RCAN1: variants seen among roughly 807,000 people sequenced by gnomAD.
RCAN1 encodes the protein calcipressin-1.
Under a neutral mutation model 22.9 loss-of-function variants are expected in RCAN1, and 11 were observed. That is an observed-to-expected ratio of 0.48 (90% CI 0.30 to 0.79). The LOEUF (loss-of-function observed/expected upper bound fraction) is 0.79. RCAN1 is among the 30% of genes least tolerant of loss of function. The pLI is 0.06. For missense variants in RCAN1, 291 were observed against 337.8 expected, an observed-to-expected ratio of 0.86 and a Z score of 1.09; for synonymous variants, 136 against 142.3, an observed-to-expected ratio of 0.96 and a Z score of 0.32.
chr21:34,536,589 T>C (rs1263509328), intron 1 of RCAN1, among the ~76,000 whole-genome samples: 1 of 152,162 alleles, frequency 6.6e-6, no homozygotes, highest in Non-Finnish European at 1.5e-5. Flanking sequence ...TTCCTTCCGC[T>C]GCAGCATTCC....
intron 1 of RCAN1, among the ~76,000 whole-genome samples, chr21:34,549,819 T>G (rs1986296514): frequency 6.6e-6 from 1 of 152,192 alleles, no homozygotes; most frequent in South Asian, 2.1e-4. Context: ...CATCCATCCA[T>G]CCATCCACCG....
chr21:34,560,066 C>T (rs1986732263), intron 1 of RCAN1: 1 of 152,218 alleles, frequency 6.6e-6, no homozygotes, highest in South Asian at 2.1e-4. Flanking sequence ...AAAAACCTTT[C>T]TCCCCCCAAC....
At chr21:34,525,820 A>G (rs995932881) in intron 1 of RCAN1, among the ~76,000 whole-genome samples, 5 of 152,262 alleles carry the variant, frequency 3.3e-5, no homozygotes, top group African/African-American at 1.2e-4. Flanking sequence ...TTAAAAACAT[A>G]GAATGTGCTC....
At chr21:34,558,391 A>G (rs2248624) in intron 1 of RCAN1, among the ~76,000 whole-genome samples, 102,697 of 151,980 alleles carry the variant, frequency 0.68, 35,792 homozygotes, top group African/African-American at 0.84. Flanking sequence ...GCTGACACCC[A>G]ACTCCACCTC....
chr21:34,612,820 C>A (rs1988718099), intron 1 of RCAN1, among the ~76,000 whole-genome samples: 1 of 152,232 alleles, frequency 6.6e-6, no homozygotes, highest in Non-Finnish European at 1.5e-5. Context: ...GCCTGGACAT[C>A]CCTTGTTAGT....
intron 3 of RCAN1, among the ~76,000 whole-genome samples, chr21:34,519,513 C>T (rs2123562796): frequency 6.6e-6 from 1 of 151,410 alleles, no homozygotes; most frequent in Non-Finnish European, 1.5e-5. Flanking sequence ...ATTCTCCTGC[C>T]TCAGCCTCCC....
intron 1 of RCAN1, among the ~76,000 whole-genome samples, chr21:34,582,907 G>T (rs1424675617): frequency 6.6e-6 from 1 of 152,162 alleles, no homozygotes; most frequent in Non-Finnish European, 1.5e-5. Context: ...AGGACTGGCT[G>T]CTGGGTTGGC....
chr21:34,535,733 TA>T (rs1370459961), intron 1 of RCAN1, among the ~76,000 whole-genome samples: 1 of 152,138 alleles, frequency 6.6e-6, no homozygotes, highest in Non-Finnish European at 1.5e-5. Flanking sequence ...ATTCCTTAGA[TA>T]AAAAATCTGA....
At chr21:34,533,101 C>T (rs982425049) in intron 1 of RCAN1, among the ~76,000 whole-genome samples, 7 of 151,500 alleles carry the variant, frequency 4.6e-5, no homozygotes, top group Non-Finnish European at 1.0e-4. Context: ...GCTGGGACTA[C>T]AGGTGCCCGC....
chr21:34,563,726 T>C (rs983518674), intron 1 of RCAN1, among the ~76,000 whole-genome samples: 1 of 136,390 alleles, frequency 7.3e-6, no homozygotes. Context: ...CTGGCCAACA[T>C]GGTGAAACCC....
chr21:34,541,131 C>G (rs1985894550), intron 1 of RCAN1, among the ~76,000 whole-genome samples: 1 of 152,080 alleles, frequency 6.6e-6, no homozygotes, highest in African/African-American at 2.4e-5. Context: ...GACTGCAGCT[C>G]CAGTGATAAT....
chr21:34,539,409 AG>A (rs1443631238), intron 1 of RCAN1, among the ~76,000 whole-genome samples: 3 of 152,224 alleles, frequency 2.0e-5, no homozygotes, highest in Admixed American at 2.0e-4. Context: ...CAGGTTACAA[AG>A]CAATGTTTAT....
chr21:34,578,435 G>T lies in RCAN1; in HGVS notation c.252+36325C>A, dbSNP rs187564880. 9.8e-5 allele frequency among the ~76,000 whole-genome samples: 15 copies of T among 152,316 alleles called. No individual in the cohort carries two copies. The East Asian group carries it at 2.9e-3, about 29-fold the overall frequency. ...CAGCCAGCATCAGCCAGATCCCCTA[G>T]GAATCTGCATCAGAACAAACTACCT... On this transcript the variant is annotated intron_variant, in intron 1 of 3. Coordinates refer to ENST00000313806, the MANE Select transcript of RCAN1 (RefSeq NM_004414.7).
chr21:34,610,099 C>T (rs1988643078), intron 1 of RCAN1, among the ~76,000 whole-genome samples: 1 of 152,220 alleles, frequency 6.6e-6, no homozygotes, highest in Non-Finnish European at 1.5e-5. Flanking sequence ...TAGAACCCAA[C>T]TGTTACTCTC....
In RCAN1 at chr21:34,533,303, C is replaced by T. The variant is rs117279522; in HGVS notation, c.253-9593G>A. The stretch of plus-strand genomic sequence containing the variant: ...GATACACTGAGAAAGCTTTTCCTAC[C>T]TCTGTCCCTGTCCACTCCATTCTCA... On this transcript the variant is annotated intron_variant, in intron 1 of 3. Transcript: ENST00000313806. Among the ~76,000 whole-genome samples the T allele has an allele frequency of 6.0e-4, 92 of 152,316 alleles. 3 individuals carry two copies. In the East Asian group the frequency reaches 0.017, roughly 28 times the overall value.
intron 1 of RCAN1, among the ~76,000 whole-genome samples, chr21:34,609,777 G>C (rs926024580): frequency 6.6e-6 from 1 of 152,146 alleles, no homozygotes; most frequent in Non-Finnish European, 1.5e-5. Flanking sequence ...CAGTTGTTAG[G>C]GGGTGGAGTG....
Position 34,588,968 on chromosome 21 carries a change from T to C in RCAN1, c.252+25792A>G, listed in dbSNP as rs569482067. Among the ~76,000 whole-genome samples, 150 of 152,128 alleles carry C rather than the reference T, an allele frequency of 9.9e-4. 1 individual carries two copies. The highest frequency in any genetic ancestry group is 1.3e-3 in the Admixed American group (20 of 15,278). ...TAGAAACCTAAAGTAGTCAAATTCA[T>C]AGACACAGAAAGTAGAATGGTGGTT... On this transcript the variant is annotated intron_variant, in intron 1 of 3. Coordinates refer to ENST00000313806, the MANE Select transcript of RCAN1 (RefSeq NM_004414.7).
intron 1 of RCAN1, among the ~76,000 whole-genome samples, chr21:34,605,386 A>G (rs1399402760): frequency 1.3e-5 from 2 of 152,186 alleles, no homozygotes; most frequent in African/African-American, 4.8e-5. Flanking sequence ...GTGTGCGTCA[A>G]TACTCCTTAA....
chr21:34,540,352 G>A (rs1318302772), intron 1 of RCAN1, among the ~76,000 whole-genome samples: 2 of 152,158 alleles, frequency 1.3e-5, no homozygotes, highest in East Asian at 1.9e-4. Flanking sequence ...TGCTGCCTAC[G>A]TATTGTTCAA....
Sources: gnomAD v4.1 joint callset for allele counts (sites outside exome capture counted in the v4.1 genomes callset) on GRCh38, gnomAD v4.1.1 for gene constraint, MANE v1.5 for transcripts, NCBI Gene and HGNC (gene_info 2026-07-23, HGNC 2026-07-21) for gene names.